The following ERAP1 variants were observed in gnomAD, a reference collection of about 807,000 sequenced individuals.
ERAP1 encodes adipocyte-derived leucine aminopeptidase.
A neutral mutation model predicts 103.7 loss-of-function variants in ERAP1; 86 were observed. That is an observed-to-expected ratio of 0.83 (90% CI 0.70 to 0.99). ERAP1 has a LOEUF of 0.99. Among genes scored for constraint, ERAP1 ranks in the 50% least tolerant of loss-of-function variants. The pLI is 0.00. For synonymous variants in ERAP1, 398 were observed against 402.4 expected (o/e 0.99, Z 0.13); for missense variants, 1,009 against 1,128.4 (o/e 0.89, Z 1.52).
chr5:96,821,584 T>C, the ERAP1 span, among the ~76,000 whole-genome samples: 1 of 152,164 alleles, frequency 6.6e-6, no homozygotes, highest in African/African-American at 2.4e-5. Context: ...ACTGTGGTCA[T>C]GTCCTAGACC....
At chr5:96,915,103 G>A in the ERAP1 span, among the ~76,000 whole-genome samples, 1 of 152,040 alleles carries the variant, frequency 6.6e-6, no homozygotes, top group Admixed American at 6.5e-5. Context: ...CACCTCCCGG[G>A]TTCAAGTGAC....
Position 96,793,934 on chromosome 5 carries a change from G to A in ERAP1, c.943C>T (p.Gln315Ter), listed in dbSNP as rs1379822451. The A allele has an allele frequency of 6.2e-7, 1 of 1,613,952 alleles. No individual in the cohort carries two copies. The highest frequency in any genetic ancestry group is 8.5e-7 in the Non-Finnish European group (1 of 1,179,938). Residue 315 changes from glutamine (Q) to a stop codon, truncating the protein, a stop_gained, in exon 6 of 19, where the codon CAG becomes TAG. Transcript: ENST00000443439. LOFTEE classifies it high-confidence loss of function. ...KQDLAAIPDF[Q>*]SGAMENWGLT... ...CCCCAGTTTTCCATAGCACCAGACT[G>A]AAAGTCGGGAATAGCAGCAAGATCT... is the stretch of plus-strand genomic sequence containing the variant.
At chr5:96,799,340 T>G (rs1434132541) in intron 3 of ERAP1, among the ~76,000 whole-genome samples, 52 of 152,288 alleles carry the variant, frequency 3.4e-4, no homozygotes, top group Non-Finnish European at 7.4e-5. Context: ...TGTTCTCCCC[T>G]CAGCTCAATA....
the ERAP1 span, chr5:96,900,141 T>C: frequency 6.2e-7 from 1 of 1,613,928 alleles, no homozygotes; most frequent in South Asian, 1.1e-5. Flanking sequence ...AAAGTGATTT[T>C]ACATCTGGTG....
intron 11 of ERAP1, among the ~76,000 whole-genome samples, chr5:96,787,766 G>A (rs943878741): frequency 1.0e-5 from 1 of 95,900 alleles, no homozygotes; most frequent in African/African-American, 3.8e-5. Flanking sequence ...GGGAAGATGG[G>A]GGAGGGAGGT....
At chr5:96,760,845 A>G (rs1257859936) in exon 20 of ERAP1, 1 of 151,932 alleles carries the variant, frequency 6.6e-6, no homozygotes, top group Non-Finnish European at 1.5e-5. Flanking sequence ...AAATAGCAAT[A>G]AGATACTTTT....
At chr5:96,916,456 C>A in the ERAP1 span, among the ~76,000 whole-genome samples, 10 of 97,632 alleles carry the variant, frequency 1.0e-4, no homozygotes, top group Admixed American at 2.5e-4. Context: ...TTCTAGTTAT[C>A]TTTTTTTTTT....
chr5:96,803,343 A>G, intron 2 of ERAP1, 60 bp downstream of exon 2: 1 of 1,512,694 alleles, frequency 6.6e-7, no homozygotes, highest in African/African-American at 1.4e-5. Flanking sequence ...ATCAATCTGA[A>G]ATAATGAATT....
Position 96,783,190 on chromosome 5 carries a change from A to G in ERAP1, c.2146T>C (p.Trp716Arg). 1 of 1,613,670 alleles carries G rather than the reference A, an allele frequency of 6.2e-7. No homozygotes were observed. Among genetic ancestry groups the G allele is most frequent in the Non-Finnish European group, 8.5e-7 (1 of 1,179,546 alleles). ...LLRDLIDKQT[W>R]TDEGSVSERM... ...TCTGAGACTGAGCCCTCGTCTGTCC[A>G]TGTCTGCTTATCAATGAGGTCCCTT... is the stretch of plus-strand genomic sequence containing the variant. The change falls in exon 15 of 19, where the codon TGG (tryptophan) becomes CGG (arginine). Residue 716 changes from tryptophan to arginine, a missense_variant. This residue lies in a region of ERAP1 where 611 missense variants were observed against 651.7 expected (regional missense o/e 0.94). Coordinates refer to ENST00000443439, the MANE Select transcript of ERAP1 (RefSeq NM_001040458.3).
the ERAP1 span, among the ~76,000 whole-genome samples, chr5:96,858,384 T>G: frequency 6.6e-6 from 1 of 152,068 alleles, no homozygotes; most frequent in Non-Finnish European, 1.5e-5. Context: ...CCACCTAATT[T>G]TTGTATTTTT....
the ERAP1 span, chr5:96,909,224 C>T: frequency 9.6e-7 from 1 of 1,044,650 alleles, no homozygotes; most frequent in Non-Finnish European, 1.4e-6. Context: ...TCTGGAGCAG[C>T]TCGGGGGACT....
the ERAP1 span, among the ~76,000 whole-genome samples, chr5:96,822,643 A>T: frequency 6.6e-6 from 1 of 152,188 alleles, no homozygotes; most frequent in African/African-American, 2.4e-5. Context: ...TGGGAGGCTG[A>T]GGCAGGAGGA....
the ERAP1 span, among the ~76,000 whole-genome samples, chr5:96,859,100 C>T: frequency 8.0e-6 from 1 of 124,680 alleles, no homozygotes; most frequent in Non-Finnish European, 1.7e-5. Flanking sequence ...CACACACACA[C>T]ACACACTGAA....
the ERAP1 span, among the ~76,000 whole-genome samples, chr5:96,829,003 C>G: frequency 6.6e-6 from 1 of 152,128 alleles, no homozygotes; most frequent in Admixed American, 6.5e-5. Flanking sequence ...CACACCACCA[C>G]ACCCAGCTAA....
At chr5:96,862,244 C>A in the ERAP1 span, among the ~76,000 whole-genome samples, 3 of 152,298 alleles carry the variant, frequency 2.0e-5, no homozygotes, top group East Asian at 5.8e-4. Flanking sequence ...CTGCCTCAGC[C>A]TCCCAGAGTG....
At chr5:96,910,639 A>G in the ERAP1 span, among the ~76,000 whole-genome samples, 1 of 152,208 alleles carries the variant, frequency 6.6e-6, no homozygotes, top group Admixed American at 6.5e-5. Flanking sequence ...TAACCTACCT[A>G]CAGTAGATAT....
chr5:96,784,204 G>T, intron 13 of ERAP1, 124 bp from the exon 14 acceptor site: 1 of 1,065,466 alleles, frequency 9.4e-7, no homozygotes, highest in Non-Finnish European at 1.4e-6. Context: ...CTTATAAATA[G>T]ATAACTACGG....
chr5:96,935,322 A>T, the ERAP1 span: 1 of 152,206 alleles, frequency 6.6e-6, no homozygotes, highest in Non-Finnish European at 1.5e-5. Context: ...ACTGGACCCC[A>T]GGGCGCCCTC....
intron 11 of ERAP1, among the ~76,000 whole-genome samples, chr5:96,787,826 G>GTA (rs1561681543): frequency 2.8e-5 from 3 of 106,950 alleles, no homozygotes; most frequent in African/African-American, 1.0e-4. Flanking sequence ...ACATATATAT[G>GTA]TATATATACA....
Sources: allele counts gnomAD v4.1 joint callset (sites outside exome capture counted in the v4.1 genomes callset), GRCh38; gene constraint gnomAD v4.1.1; regional missense constraint gnomAD v4.1.1; transcripts MANE v1.5; gene names NCBI Gene and HGNC (gene_info 2026-07-23, HGNC 2026-07-21).